FAM120A: variants seen among roughly 807,000 people sequenced by gnomAD.
FAM120A encodes family with sequence similarity 120 member A.
Under a neutral mutation model 109.7 loss-of-function variants are expected in FAM120A, and 15 were observed. The ratio of observed to expected loss-of-function variants is 0.14; its 90% CI spans 0.09 to 0.21. The LOEUF (loss-of-function observed/expected upper bound fraction) is 0.21. Ranked by LOEUF, FAM120A falls within the 10% of genes least tolerant of loss-of-function variation. The pLI is 1.00. For missense variants in FAM120A, 899 were observed against 1,439.3 expected (o/e 0.62, Z 6.07); for synonymous variants, 493 against 572.8 (o/e 0.86, Z 1.99).
chr9:93,563,883 A>T (rs1862551671), intron 17 of FAM120A, among the ~76,000 whole-genome samples: 1 of 152,202 alleles, frequency 6.6e-6, no homozygotes, highest in South Asian at 2.1e-4. Context: ...GTTTTGTGGC[A>T]GTGGGAACAG....
intron 3 of FAM120A, among the ~76,000 whole-genome samples, chr9:93,485,779 G>T (rs892772002): frequency 4.7e-5 from 7 of 149,442 alleles, no homozygotes; most frequent in Admixed American, 1.3e-4. Flanking sequence ...GTCCGCTTCG[G>T]CAGTCACTCT....
chr9:93,522,063 G>C (rs145590927), intron 7 of FAM120A, among the ~76,000 whole-genome samples: 1,972 of 152,300 alleles, frequency 0.013, 19 homozygotes, highest in Non-Finnish European at 0.021. Flanking sequence ...CTGGGCAACG[G>C]AGTGAGATCC....
intron 8 of FAM120A, among the ~76,000 whole-genome samples, chr9:93,527,614 A>ATTTTTTTTTTTTTTTTTTT (rs67894788): frequency 1.2e-5 from 1 of 80,638 alleles, no homozygotes. Flanking sequence ...TTTGTATTTA[A>ATTTTTTTTTTTTTTTTTTT]TTTTTTTTTT....
rs1260146838 is a variant in FAM120A, at chr9:93,505,351, C to T, written c.1030+6465C>T. Among the ~76,000 whole-genome samples the T allele has an allele frequency of 2.6e-5, 4 of 151,876 alleles. No homozygotes were observed. The South Asian group carries it at 6.2e-4, about 24-fold the overall frequency. On this transcript the variant is annotated intron_variant, in intron 5 of 17. Coordinates refer to ENST00000277165, the MANE Select transcript of FAM120A (RefSeq NM_014612.5). ...CTGGGATTACAGGCGTGAGCCACTG[C>T]GCCCGGCCTGTTCGCTTGTGTTTCT...
intron 10 of FAM120A, among the ~76,000 whole-genome samples, chr9:93,533,197 G>A (rs1019596141): frequency 1.3e-5 from 2 of 152,218 alleles, no homozygotes; most frequent in Non-Finnish European, 2.9e-5. Flanking sequence ...ATTTGTTTGT[G>A]TGGTGGGTCA....
intron 1 of FAM120A, among the ~76,000 whole-genome samples, chr9:93,462,701 C>G (rs1469776243): frequency 1.3e-5 from 2 of 152,222 alleles, no homozygotes; most frequent in Non-Finnish European, 2.9e-5. Flanking sequence ...CCCATTTCTT[C>G]CATGCCCCAG....
At chr9:93,561,701 A>C (rs1395070424) in intron 16 of FAM120A, among the ~76,000 whole-genome samples, 3 of 152,172 alleles carry the variant, frequency 2.0e-5, no homozygotes, top group Non-Finnish European at 4.4e-5. Context: ...AGCCTTTAAC[A>C]TCATTTATAA....
At chr9:93,480,270 GT>G (rs1246745463) in intron 3 of FAM120A, among the ~76,000 whole-genome samples, 1 of 152,228 alleles carries the variant, frequency 6.6e-6, no homozygotes, top group African/African-American at 2.4e-5. Context: ...GGGGTTAGGG[GT>G]CAGATAGCTT....
At chr9:93,479,225 A>C (rs1858691624) in intron 3 of FAM120A, among the ~76,000 whole-genome samples, 1 of 149,298 alleles carries the variant, frequency 6.7e-6, no homozygotes, top group African/African-American at 2.5e-5. Context: ...CAGCCTCCCA[A>C]GTAGCTGGGA....
At position 93,471,440 on chromosome 9, in the gene FAM120A, A is replaced by G; in HGVS notation, c.721+53A>G. On this transcript the variant is annotated intron_variant, in intron 2 of 17. Transcript: ENST00000277165. ...ATAAGGGAGTGACCATATGATAAGCACATTGATCTTTTAAGTGTTTCTGTG... is the reference window on the plus strand; with the variant it reads ...ATAAGGGAGTGACCATATGATAAGCGCATTGATCTTTTAAGTGTTTCTGTG... 3 of 1,598,334 alleles carry G rather than the reference A, an allele frequency of 1.9e-6. No individual in the cohort carries two copies. The Admixed American group carries it at 5.1e-5, about 27-fold the overall frequency.
chr9:93,505,806 C>T (rs1044945376), intron 5 of FAM120A, among the ~76,000 whole-genome samples: 7 of 152,176 alleles, frequency 4.6e-5, no homozygotes, highest in African/African-American at 1.7e-4. Flanking sequence ...AGAATTCCTC[C>T]CTAGCCTGAG....
Position 93,564,523 on chromosome 9 carries a change from T to A in FAM120A, c.3340T>A (p.Leu1114Ile). Residue 1114 changes from leucine (L) to isoleucine (I), a missense_variant, in exon 18 of 18, where the codon TTA (leucine) becomes ATA (isoleucine). Coordinates refer to ENST00000277165, the MANE Select transcript of FAM120A (RefSeq NM_014612.5). ...RREAALEAAV[L>I]NKEE ...AGAAGCTGCTCTGGAGGCAGCTGTCTTAAATAAAGAAGAGTAAACTTATTT... is the reference window on the plus strand; with the variant it reads ...AGAAGCTGCTCTGGAGGCAGCTGTCATAAATAAAGAAGAGTAAACTTATTT... The A allele has an allele frequency of 6.2e-7, 1 of 1,608,432 alleles. No individual in the cohort carries two copies. Among genetic ancestry groups the A allele is most frequent in the South Asian group, 1.1e-5 (1 of 90,968 alleles).
At chr9:93,541,867 A>C (rs1861713535) in intron 10 of FAM120A, among the ~76,000 whole-genome samples, 1 of 152,190 alleles carries the variant, frequency 6.6e-6, no homozygotes, top group African/African-American at 2.4e-5. Flanking sequence ...ATTGAAATGT[A>C]TTTAAGCATT....
At chr9:93,540,015 A>G (rs1046229572) in intron 10 of FAM120A, among the ~76,000 whole-genome samples, 2 of 152,248 alleles carry the variant, frequency 1.3e-5, no homozygotes, top group African/African-American at 4.8e-5. Flanking sequence ...AGTTCATCTC[A>G]TTATCTCTAC....
At chr9:93,490,959 G>A (rs934171632) in intron 3 of FAM120A, among the ~76,000 whole-genome samples, 5 of 152,196 alleles carry the variant, frequency 3.3e-5, no homozygotes, top group African/African-American at 1.2e-4. Context: ...GGACTTCTGT[G>A]TCCTTGTAGT....
rs541559835 is a variant in FAM120A, at chr9:93,562,109, A to C, written c.2949-99A>C. ...AAATGGGTTAATTCAGTGCTTCATA[A>C]AACGTAAGATTGGATGGCTTTAAAA... On this transcript the variant is annotated intron_variant, in intron 16 of 17. Coordinates refer to ENST00000277165, the MANE Select transcript of FAM120A (RefSeq NM_014612.5). The C allele has an allele frequency of 1.1e-4, 121 of 1,053,646 alleles. No individual in the cohort carries two copies. The African/African-American group carries it at 1.4e-3, about 12-fold the overall frequency. The allele number at this position is 1,053,646 out of a possible 1,614,324, so 65.3% of individuals were successfully genotyped here.
intron 7 of FAM120A, among the ~76,000 whole-genome samples, chr9:93,518,408 T>C (rs966075177): frequency 2.0e-5 from 3 of 152,210 alleles, no homozygotes; most frequent in African/African-American, 7.2e-5. Context: ...GAATTGCTTT[T>C]ATAGTTTAGA....
intron 7 of FAM120A, among the ~76,000 whole-genome samples, chr9:93,525,856 G>C (rs909518722): frequency 6.6e-6 from 1 of 152,242 alleles, no homozygotes; most frequent in African/African-American, 2.4e-5. Flanking sequence ...CATGAAGACC[G>C]GGAAACCTGA....
At chr9:93,486,595 A>G (rs958262825) in intron 3 of FAM120A, among the ~76,000 whole-genome samples, 1 of 145,604 alleles carries the variant, frequency 6.9e-6, no homozygotes, top group Non-Finnish European at 1.5e-5. Flanking sequence ...AGGCTGTGGC[A>G]TGATCTTGGC....
Sources: allele counts gnomAD v4.1 joint callset (sites outside exome capture counted in the v4.1 genomes callset), GRCh38; gene constraint gnomAD v4.1.1; transcripts MANE v1.5; gene names NCBI Gene and HGNC (gene_info 2026-07-23, HGNC 2026-07-21).